The following TAFA1 variants were observed in gnomAD, a reference collection of about 807,000 sequenced individuals.
The protein encoded by TAFA1 is chemokine-like protein TAFA-1.
In TAFA1, 4 loss-of-function variants were observed where a neutral mutation model predicts 18.5. The ratio of observed to expected loss-of-function variants is 0.22; its 90% CI spans 0.11 to 0.49. TAFA1 has a LOEUF of 0.49. Ranked by LOEUF, TAFA1 falls within the 20% of genes least tolerant of loss-of-function variation. The pLI, the probability that TAFA1 is intolerant of heterozygous loss-of-function variation, is 0.98. For synonymous variants in TAFA1, 56 were observed against 55.2 expected (o/e 1.01, Z -0.06); for missense variants, 147 against 169.0 (o/e 0.87, Z 0.72).
intron 2 of TAFA1, among the ~76,000 whole-genome samples, chr3:68,099,994 C>G (rs1451984242): frequency 6.6e-6 from 1 of 151,878 alleles, no homozygotes; most frequent in Non-Finnish European, 1.5e-5. Context: ...CTGGGGACAA[C>G]TAGAAAGGGG....
At chr3:68,002,646 G>A (rs1704296253), upstream of TAFA1, among the ~76,000 whole-genome samples, 1 of 152,122 alleles carries the variant, frequency 6.6e-6, no homozygotes, top group African/African-American at 2.4e-5. Context: ...TAATGTTAAA[G>A]AAATAAGAAA....
At chr3:68,466,931 C>A (rs929400270) in intron 3 of TAFA1, among the ~76,000 whole-genome samples, 1 of 152,120 alleles carries the variant, frequency 6.6e-6, no homozygotes, top group Non-Finnish European at 1.5e-5. Context: ...GCAGTAAAAC[C>A]AGCAAGTTTT....
chr3:68,376,147 T>C (rs2069811372), intron 2 of TAFA1, among the ~76,000 whole-genome samples: 1 of 152,118 alleles, frequency 6.6e-6, no homozygotes, highest in Non-Finnish European at 1.5e-5. Context: ...GTTAATCAAT[T>C]TTATGATATT....
intron 3 of TAFA1, among the ~76,000 whole-genome samples, chr3:68,461,222 C>A (rs2071771288): frequency 6.6e-6 from 1 of 151,766 alleles, no homozygotes; most frequent in South Asian, 2.1e-4. Flanking sequence ...AGATAGGTTG[C>A]AAGGAGCCAA....
At chr3:68,098,176 T>C (rs1237212894) in intron 2 of TAFA1, among the ~76,000 whole-genome samples, 1 of 152,182 alleles carries the variant, frequency 6.6e-6, no homozygotes, top group Admixed American at 6.5e-5. Flanking sequence ...AACAGAATCG[T>C]GATGGAAGTC....
intron 2 of TAFA1, among the ~76,000 whole-genome samples, chr3:68,313,074 T>A (rs75495805): frequency 6.6e-6 from 1 of 152,070 alleles, no homozygotes; most frequent in Admixed American, 6.6e-5. Context: ...GAGAAAAGAA[T>A]GGGAAAGACT....
chr3:68,385,414 C>T (rs1180725455), intron 2 of TAFA1, among the ~76,000 whole-genome samples: 1 of 152,090 alleles, frequency 6.6e-6, no homozygotes, highest in East Asian at 1.9e-4. Context: ...GCTAAGAAAA[C>T]AAGACTTCAA....
the TAFA1 span, among the ~76,000 whole-genome samples, chr3:67,992,147 T>C: frequency 6.6e-6 from 1 of 152,222 alleles, no homozygotes; most frequent in Non-Finnish European, 1.5e-5. Flanking sequence ...CTTCCCCCAG[T>C]GAGGCAAATA....
chr3:68,262,694 T>C (rs1049729889), intron 2 of TAFA1, among the ~76,000 whole-genome samples: 2 of 152,132 alleles, frequency 1.3e-5, no homozygotes, highest in African/African-American at 4.8e-5. Context: ...GATGGGCACC[T>C]AGGTTGATTC....
chr3:68,169,955 A>G (rs2066031934), intron 2 of TAFA1, among the ~76,000 whole-genome samples: 1 of 152,210 alleles, frequency 6.6e-6, no homozygotes, highest in African/African-American at 2.4e-5. Context: ...TTGCAGAATG[A>G]TAGAATAAGT....
intron 2 of TAFA1, among the ~76,000 whole-genome samples, chr3:68,054,547 G>A (rs1257423601): frequency 6.6e-6 from 1 of 152,320 alleles, no homozygotes; most frequent in African/African-American, 2.4e-5. Flanking sequence ...AGACTAAGAA[G>A]ACATGTGGCC....
At chr3:68,435,013 G>A (rs776648304) in intron 3 of TAFA1, among the ~76,000 whole-genome samples, 1 of 152,106 alleles carries the variant, frequency 6.6e-6, no homozygotes, top group Non-Finnish European at 1.5e-5. Flanking sequence ...CAGGGGAGAT[G>A]ACAGGCAAAT....
intron 2 of TAFA1, among the ~76,000 whole-genome samples, chr3:68,218,042 A>T (rs929378904): frequency 1.3e-5 from 2 of 152,086 alleles, no homozygotes; most frequent in Non-Finnish European, 2.9e-5. Context: ...ATGTCTTCAG[A>T]TCTTTATGAC....
chr3:68,144,917 T>C, intron 2 of TAFA1: 1 of 720,512 alleles, frequency 1.4e-6, no homozygotes, highest in Middle Eastern at 2.8e-4. Context: ...TAATAGGTCA[T>C]ATCTTAGAGA....
chr3:68,009,680 G>A (rs1012628691), intron 2 of TAFA1, among the ~76,000 whole-genome samples: 6 of 152,118 alleles, frequency 3.9e-5, no homozygotes, highest in Admixed American at 1.3e-4. Context: ...TTTGACAATA[G>A]CTGCAAAGAT....
chr3:68,330,224 C>T (rs1469874500), intron 2 of TAFA1, among the ~76,000 whole-genome samples: 1 of 152,190 alleles, frequency 6.6e-6, no homozygotes, highest in Non-Finnish European at 1.5e-5. Flanking sequence ...TTCCAGGCTT[C>T]TTCTAAGAAA....
chr3:68,163,977 G>T (rs2065953966), intron 2 of TAFA1, among the ~76,000 whole-genome samples: 2 of 152,162 alleles, frequency 1.3e-5, no homozygotes, highest in African/African-American at 4.8e-5. Flanking sequence ...AAAATTTTCT[G>T]AGCTGATCCT....
At chr3:68,234,208 GGCAGGTGTTTGGAAACT>G (rs2066902446) in intron 2 of TAFA1, among the ~76,000 whole-genome samples, 3 of 152,158 alleles carry the variant, frequency 2.0e-5, no homozygotes, top group Admixed American at 2.0e-4. Context: ...GAACAGCAGT[GGCAGGTGTTTGGAAACT>G]GCATTTGGAA....
At chr3:68,088,405 G>A (rs543621257) in intron 2 of TAFA1, among the ~76,000 whole-genome samples, 1 of 152,172 alleles carries the variant, frequency 6.6e-6, no homozygotes, top group Non-Finnish European at 1.5e-5. Context: ...GTGACATCAC[G>A]TATAAAGCAC....
Sources: gnomAD v4.1 joint callset for allele counts (sites outside exome capture counted in the v4.1 genomes callset) on GRCh38, gnomAD v4.1.1 for gene constraint, MANE v1.5 for transcripts, NCBI Gene and HGNC (gene_info 2026-07-23, HGNC 2026-07-21) for gene names.